The following C8orf34 variants were observed in gnomAD, a reference collection of about 807,000 sequenced individuals.
C8orf34 encodes chromosome 8 open reading frame 34.
C8orf34 carries 65 observed loss-of-function variants against 68.3 expected under a neutral mutation model. The observed-to-expected ratio is 0.95, with a 90% CI of 0.78 to 1.17. The LOEUF is 1.17. C8orf34 is among the 50% of genes most tolerant of loss of function. C8orf34 has a pLI of 0.00. For synonymous variants in C8orf34, 244 were observed against 241.2 expected, an observed-to-expected ratio of 1.01 and a Z score of -0.11; for missense variants, 664 against 655.4, an observed-to-expected ratio of 1.01 and a Z score of -0.14.
intron 7 of C8orf34, among the ~76,000 whole-genome samples, chr8:68,561,645 C>G (rs1187414384): frequency 6.6e-6 from 1 of 152,076 alleles, no homozygotes; most frequent in Non-Finnish European, 1.5e-5. Flanking sequence ...GTATTCCCAG[C>G]TACTTGGGAG....
At position 68,543,700 on chromosome 8, in the gene C8orf34, A is replaced by G. The variant is rs894547762; in HGVS notation, c.1105+10551A>G. Among the ~76,000 whole-genome samples the G allele has an allele frequency of 8.5e-5, 13 of 152,310 alleles. No homozygotes were observed. The South Asian group carries it at 1.4e-3, about 17-fold the overall frequency. ...GCAACACGTAAACATTAAAATCCAA[A>G]TTCATATTAATATTTTATATTTACA... On this transcript the variant is annotated intron_variant, in intron 7 of 13. Coordinates refer to ENST00000518698, the MANE Select transcript of C8orf34 (RefSeq NM_052958.4).
chr8:68,775,401 TCCAAAGCA>T (rs1389533507), intron 10 of C8orf34, among the ~76,000 whole-genome samples: 1 of 152,224 alleles, frequency 6.6e-6, no homozygotes, highest in Non-Finnish European at 1.5e-5. Flanking sequence ...GCATAACTTA[TCCAAAGCA>T]CCAAGTTGTT....
At chr8:68,520,755 G>A (rs543147214) in intron 5 of C8orf34, among the ~76,000 whole-genome samples, 40 of 151,992 alleles carry the variant, frequency 2.6e-4, no homozygotes, top group Admixed American at 1.8e-3. Flanking sequence ...GAGCCACCGC[G>A]CCCAGCCCAC....
intron 9 of C8orf34, among the ~76,000 whole-genome samples, chr8:68,716,588 C>T (rs182341874): frequency 6.6e-6 from 1 of 151,958 alleles, no homozygotes; most frequent in Non-Finnish European, 1.5e-5. Context: ...TGGAGAGATA[C>T]AATCTTTTTT....
At chr8:68,397,027 G>T (rs1808745564) in intron 1 of C8orf34, among the ~76,000 whole-genome samples, 1 of 151,144 alleles carries the variant, frequency 6.6e-6, no homozygotes, top group Non-Finnish European at 1.5e-5. Flanking sequence ...TTTTTTTTGA[G>T]GTAGAGTCTC....
chr8:68,684,814 C>T (rs921623696), intron 8 of C8orf34, among the ~76,000 whole-genome samples: 6 of 151,630 alleles, frequency 4.0e-5, no homozygotes, highest in African/African-American at 1.5e-4. Context: ...TTAAAATTTC[C>T]CTTTTTGGTT....
intron 10 of C8orf34, among the ~76,000 whole-genome samples, chr8:68,743,506 G>C (rs1451254591): frequency 2.0e-5 from 3 of 152,158 alleles, no homozygotes; most frequent in Non-Finnish European, 1.5e-5. Flanking sequence ...CAGTGGGTGG[G>C]TGCAGGTCAG....
At chr8:68,550,566 A>AT (rs1319222642) in intron 7 of C8orf34, among the ~76,000 whole-genome samples, 6 of 151,734 alleles carry the variant, frequency 4.0e-5, no homozygotes, top group Admixed American at 1.3e-4. Context: ...TCTAATGCTC[A>AT]TTTTTTCTTT....
In C8orf34 at chr8:68,570,005, A is replaced by C. The variant is rs193275349; in HGVS notation, c.1105+36856A>C. On this transcript the variant is annotated intron_variant, in intron 7 of 13. Transcript: ENST00000518698. ...TTTGATTTCAGCCTTCCCCAGACTG[A>C]GTCTCTTCTCATTGCACACTCCCTC... 1.6e-3 allele frequency among the ~76,000 whole-genome samples: 249 copies of C among 152,274 alleles called. 1 individual carries two copies. Among genetic ancestry groups the C allele is most frequent in the Non-Finnish European group, 2.7e-3 (182 of 68,028 alleles).
At chr8:68,769,318 T>C (rs138446741) in intron 10 of C8orf34, among the ~76,000 whole-genome samples, 8 of 152,032 alleles carry the variant, frequency 5.3e-5, no homozygotes, top group African/African-American at 1.4e-4. Context: ...TTTTAAACTT[T>C]CCCTCTTTTT....
chr8:68,646,893 A>C (rs1334064415), intron 8 of C8orf34, among the ~76,000 whole-genome samples: 1 of 152,168 alleles, frequency 6.6e-6, no homozygotes, highest in East Asian at 1.9e-4. Context: ...TGGTTCCATA[A>C]CTTAGCTATT....
At chr8:68,539,456 T>C (rs539269296) in intron 7 of C8orf34, among the ~76,000 whole-genome samples, 1 of 152,358 alleles carries the variant, frequency 6.6e-6, no homozygotes, top group East Asian at 1.9e-4. Flanking sequence ...CTTGATGAAC[T>C]TATTAAAAAT....
chr8:68,361,661 A>G (rs1247845455), intron 1 of C8orf34, among the ~76,000 whole-genome samples: 1 of 152,170 alleles, frequency 6.6e-6, no homozygotes, highest in Non-Finnish European at 1.5e-5. Flanking sequence ...CCACATTGTT[A>G]CTTAACTACT....
intron 1 of C8orf34, among the ~76,000 whole-genome samples, chr8:68,420,913 G>A (rs1449321280): frequency 1.3e-5 from 2 of 151,920 alleles, no homozygotes; most frequent in African/African-American, 2.4e-5. Context: ...CAGAGTTGAT[G>A]CAGTGAGAAA....
intron 5 of C8orf34, among the ~76,000 whole-genome samples, chr8:68,518,111 T>C (rs1814594635): frequency 3.9e-5 from 6 of 152,132 alleles, no homozygotes; most frequent in Admixed American, 3.9e-4. Flanking sequence ...AATTTTATGG[T>C]TTATCTGTAT....
chr8:68,806,341 A>G (rs1824484237), intron 12 of C8orf34, among the ~76,000 whole-genome samples: 1 of 151,912 alleles, frequency 6.6e-6, no homozygotes. Context: ...GATTTGTTTT[A>G]GTTTGTAATT....
At chr8:68,552,424 G>A (rs1334582005) in intron 7 of C8orf34, among the ~76,000 whole-genome samples, 1 of 151,916 alleles carries the variant, frequency 6.6e-6, no homozygotes, top group Non-Finnish European at 1.5e-5. Flanking sequence ...GTTAAATTTA[G>A]TCCTAAGTGT....
intron 8 of C8orf34, among the ~76,000 whole-genome samples, chr8:68,678,668 T>G (rs1255697231): frequency 6.6e-6 from 1 of 152,136 alleles, no homozygotes; most frequent in Non-Finnish European, 1.5e-5. Flanking sequence ...AAGGCTTTTC[T>G]CTAAGATCTG....
rs556433270 is a variant in C8orf34, at chr8:68,602,739, G to A, written c.1106-37637G>A. On this transcript the variant is annotated intron_variant, in intron 7 of 13. Coordinates refer to ENST00000518698, the MANE Select transcript of C8orf34 (RefSeq NM_052958.4). ...GATGTGTGGGATGGAGGCTCAGCTC[G>A]TACTAGATCGTTGACATCACTCTGG... is the stretch of plus-strand genomic sequence containing the variant. Among the ~76,000 whole-genome samples the A allele has an allele frequency of 3.0e-4, 45 of 151,948 alleles. 1 individual carries two copies. The highest frequency in any genetic ancestry group is 5.1e-4 in the Non-Finnish European group (35 of 67,986).
Sources: gnomAD v4.1 joint callset for allele counts (sites outside exome capture counted in the v4.1 genomes callset) on GRCh38, gnomAD v4.1.1 for gene constraint, MANE v1.5 for transcripts, NCBI Gene and HGNC (gene_info 2026-07-23, HGNC 2026-07-21) for gene names.